Variants in SSX1 observed in about 807,000 individuals in gnomAD.
SSX1 encodes protein SSX1.
A neutral mutation model predicts 14.6 loss-of-function variants in SSX1; 58 were observed. The ratio of observed to expected loss-of-function variants is 3.96; its 90% CI spans 3.21 to 4.93. The LOEUF (loss-of-function observed/expected upper bound fraction) is 4.93. Among genes scored for constraint, SSX1 ranks in the 30% most tolerant of loss-of-function variants. The probability of loss-of-function intolerance (pLI) is 0.00; values close to 1 mark genes in which losing one functional copy is unlikely to be tolerated. For synonymous variants in SSX1, 46 were observed against 52.1 expected, an observed-to-expected ratio of 0.88 and a Z score of 0.50; for missense variants, 272 against 143.1, an observed-to-expected ratio of 1.90 and a Z score of -4.60.
At chrX:48,259,502 C>A (rs1328448925) in intron 4 of SSX1, among the ~76,000 whole-genome samples, 1 of 110,326 alleles carries the variant, frequency 9.1e-6, no homozygotes, top group East Asian at 2.8e-4. Context: ...GCACAATGTG[C>A]AGGTTAGTTA....
intron 5 of SSX1, among the ~76,000 whole-genome samples, chrX:48,262,966 T>C (rs2059610023): frequency 9.1e-6 from 1 of 110,002 alleles, no homozygotes; most frequent in African/African-American, 3.3e-5. Context: ...AAACCTCATC[T>C]CTACTAAAAA....
At chrX:48,257,981 G>A (rs1315507010) in intron 3 of SSX1, 121 bp downstream of exon 3, 17 of 498,787 alleles carry the variant, frequency 3.4e-5, no homozygotes, top group Admixed American at 8.2e-5. Context: ...GGGAAAAATC[G>A]CAAGGCAGCT....
intron 5 of SSX1, 32 bp from the exon 6 acceptor site, chrX:48,263,750 T>C (rs367899517): frequency 3.9e-5 from 47 of 1,207,619 alleles, no homozygotes; most frequent in Non-Finnish European, 5.1e-5. Context: ...ATGTCACTGA[T>C]ACTGTTTATC....
intron 7 of SSX1, among the ~76,000 whole-genome samples, 198 bp downstream of exon 7, chrX:48,266,589 C>T (rs1601951216): frequency 8.9e-6 from 1 of 112,073 alleles, no homozygotes; most frequent in East Asian, 2.8e-4. Context: ...CCTCACCACC[C>T]AGGATGCTGT....
Position 48,264,030 on chromosome X carries a change from A to G in SSX1, c.466+113A>G. 7 of 1,097,538 alleles carry G rather than the reference A, an allele frequency of 6.4e-6. No homozygotes were observed. The South Asian group carries it at 1.6e-4, about 25-fold the overall frequency. 90.4% of individuals were successfully genotyped at this position (1,097,538 alleles called of 1,213,427 possible). ...CAAGCCTGGGTCCAGGCTGGGCTGA[A>G]GAGCTCGCCCAGCTCCAGATGAGAT... On this transcript the variant is annotated intron_variant, in intron 6 of 7. Coordinates refer to ENST00000376919, the MANE Select transcript of SSX1 (RefSeq NM_005635.4).
At chrX:48,264,798 C>T (rs1457084970) in intron 6 of SSX1, among the ~76,000 whole-genome samples, 1 of 112,785 alleles carries the variant, frequency 8.9e-6, no homozygotes, top group Non-Finnish European at 1.9e-5. Context: ...TAGATGGCAT[C>T]TACTTCCGAT....
chrX:48,260,962 C>T (rs1556935380), intron 4 of SSX1, among the ~76,000 whole-genome samples: 2 of 111,323 alleles, frequency 1.8e-5, no homozygotes, highest in African/African-American at 6.5e-5. Flanking sequence ...TCCCAAACAA[C>T]CCCAATTCTC....
intron 1 of SSX1, among the ~76,000 whole-genome samples, chrX:48,256,351 G>C (rs1181013465): frequency 1.9e-5 from 2 of 107,576 alleles, no homozygotes; most frequent in African/African-American, 6.8e-5. Flanking sequence ...GGTTGGCTAG[G>C]CTGGTATCAA....
chrX:48,257,753 A>T lies in SSX1; in HGVS notation c.77A>T (p.Asp26Val). 1 of 1,201,725 alleles carries T rather than the reference A, an allele frequency of 8.3e-7. No individual in the cohort carries two copies. Among genetic ancestry groups the T allele is most frequent in the Non-Finnish European group, 1.1e-6 (1 of 889,023 alleles). ...TTATTTTATTTTTTTTAGGCCTTTG[A>T]TGATATTGCCACATACTTCTCTAAG... ...KASEKRSKAF[D>V]DIATYFSKKE... Residue 26 changes from aspartate to valine, a missense_variant, in exon 3 of 8, where the codon GAT becomes GTT. Transcript: ENST00000376919.
At chrX:48,261,605 C>T (rs2059603989) in intron 4 of SSX1, among the ~76,000 whole-genome samples, 161 bp from the exon 5 acceptor site, 1 of 112,313 alleles carries the variant, frequency 8.9e-6, no homozygotes, top group African/African-American at 3.2e-5. Context: ...GATAAATGAA[C>T]CAACCATGAC....
chrX:48,257,626 G>T (rs1369350458), intron 2 of SSX1, 120 bp from the exon 3 acceptor site: 29 of 1,152,165 alleles, frequency 2.5e-5, no homozygotes, highest in Non-Finnish European at 3.1e-5. Context: ...GTTAGCCATG[G>T]CATCAACCAG....
intron 7 of SSX1, 57 bp from the exon 8 acceptor site, chrX:48,266,797 G>C: frequency 2.6e-6 from 2 of 774,267 alleles, no homozygotes; most frequent in Non-Finnish European, 3.9e-6. Flanking sequence ...TTGAGGTTGA[G>C]TTATTGGGCA....
Position 48,257,832 on chromosome X carries a change from G to C in SSX1, c.156G>C (p.Lys52Asn), listed in dbSNP as rs781917055. 43 of 1,198,628 alleles carry C rather than the reference G, an allele frequency of 3.6e-5. No individual in the cohort carries two copies. The highest frequency in any genetic ancestry group is 4.6e-5 in the Non-Finnish European group (41 of 887,014). The stretch of plus-strand genomic sequence containing the variant: ...AGAAAATCAGCTATGTGTATATGAA[G>C]AGAAACTATAAGGCCATGACTAAAC... Reference protein sequence around the residue: ...YSEKISYVYMKRNYKAMTKLG... With the variant: ...YSEKISYVYMNRNYKAMTKLG... Residue 52 changes from lysine to asparagine, a missense_variant, in exon 3 of 8, where the codon AAG (lysine) becomes AAC (asparagine). Physicochemically the swap from Lys to Asn is moderately conservative, Grantham distance 94. Coordinates refer to ENST00000376919, the MANE Select transcript of SSX1 (RefSeq NM_005635.4).
chrX:48,264,979 C>A (rs1272586857), intron 6 of SSX1, among the ~76,000 whole-genome samples: 3 of 111,853 alleles, frequency 2.7e-5, no homozygotes, highest in African/African-American at 9.7e-5. Flanking sequence ...CCTCACAAAC[C>A]AACCTCTGCT....
intron 3 of SSX1, 131 bp downstream of exon 3, chrX:48,257,991 T>A: frequency 2.2e-6 from 1 of 464,937 alleles, no homozygotes. Flanking sequence ...GCAAGGCAGC[T>A]TCTGGGGGTT....
intron 1 of SSX1, among the ~76,000 whole-genome samples, chrX:48,256,887 A>G (rs1231352725): frequency 4.6e-5 from 5 of 109,650 alleles, no homozygotes; most frequent in Non-Finnish European, 9.5e-5. Flanking sequence ...ATAAAATTAC[A>G]CAGTCACGTC....
At chrX:48,264,733 C>G (rs782071267) in intron 6 of SSX1, among the ~76,000 whole-genome samples, 2 of 112,616 alleles carry the variant, frequency 1.8e-5, no homozygotes, top group Non-Finnish European at 3.7e-5. Flanking sequence ...TAGCATTTAG[C>G]CACTTTAGAA....
chrX:48,259,297 C>A (rs1556935110), intron 4 of SSX1, among the ~76,000 whole-genome samples: 3 of 111,798 alleles, frequency 2.7e-5, no homozygotes, highest in African/African-American at 9.7e-5. Context: ...GCACCCAGGC[C>A]GTTTCTAGTG....
At position 48,263,724 on chromosome X, in the gene SSX1, C is replaced by T. The variant is rs1384231766; in HGVS notation, c.331-58C>T. ...TGCATGTGAAGACGCTTTGTAAGCT[C>T]TAAAGCACTATAGAAATGTCACTGA... On this transcript the variant is annotated intron_variant, in intron 5 of 7. Coordinates refer to ENST00000376919, the MANE Select transcript of SSX1 (RefSeq NM_005635.4). The T allele has an allele frequency of 5.0e-6, 6 of 1,192,057 alleles. No individual in the cohort carries two copies. In the African/African-American group the frequency reaches 8.8e-5, roughly 18 times the overall value.
Sources: gnomAD v4.1 joint callset for allele counts (sites outside exome capture counted in the v4.1 genomes callset) on GRCh38, gnomAD v4.1.1 for gene constraint, MANE v1.5 for transcripts, NCBI Gene and HGNC (gene_info 2026-07-23, HGNC 2026-07-21) for gene names.